Variants in RPS24 observed in about 807,000 individuals in gnomAD.
RPS24 encodes the protein small ribosomal subunit protein eS24.
For synonymous variants in RPS24, 72 were observed against 55.6 expected (o/e 1.30, Z -1.31); for missense variants, 100 against 162.5 (o/e 0.62, Z 2.09).
At position 78,033,890 on chromosome 10, in the gene RPS24, T is replaced by C. The variant is rs1427026359; in HGVS notation, c.-12T>C. On this transcript the variant is annotated 5_prime_UTR_variant, in exon 1 of 6. Transcript: ENST00000372360. ...CTTTTCCTCCTTGGCTGTCTGAAGA[T>C]AGATCGCCATCATGGTGAGTCTCCC... 4 of 1,613,976 alleles carry C rather than the reference T, an allele frequency of 2.5e-6. No homozygotes were observed. Among genetic ancestry groups the C allele is most frequent in the Non-Finnish European group, 2.5e-6 (3 of 1,179,988 alleles).
chr10:78,042,821 G>C (rs1193674451), downstream of RPS24, among the ~76,000 whole-genome samples: 1 of 152,122 alleles, frequency 6.6e-6, no homozygotes, highest in Non-Finnish European at 1.5e-5. Context: ...AGTTCTGTTT[G>C]TAGCTGGATG....
At chr10:78,051,475 CA>C (rs1374282373) in intron 4 of RPS24, among the ~76,000 whole-genome samples, 1 of 152,226 alleles carries the variant, frequency 6.6e-6, no homozygotes, top group Non-Finnish European at 1.5e-5. Flanking sequence ...TTTACCACGT[CA>C]ACATCAGTTG....
intron 4 of RPS24, among the ~76,000 whole-genome samples, chr10:78,047,384 G>T (rs895323231): frequency 6.6e-6 from 1 of 152,166 alleles, no homozygotes; most frequent in African/African-American, 2.4e-5. Context: ...GACCCGGTAG[G>T]ACAGTGCTGT....
intron 4 of RPS24, among the ~76,000 whole-genome samples, chr10:78,051,502 G>A (rs879918909): frequency 5.1e-4 from 77 of 152,300 alleles, no homozygotes; most frequent in African/African-American, 1.5e-3. Context: ...TATTTGTGTT[G>A]TTTCTGCTTT....
chr10:78,040,671 A>T lies in RPS24; in HGVS notation c.*76A>T, dbSNP rs778147905. 7 of 1,614,072 alleles carry T rather than the reference A, an allele frequency of 4.3e-6. No homozygotes were observed. The highest frequency in any genetic ancestry group is 2.5e-6 in the Non-Finnish European group (3 of 1,179,938). On this transcript the variant is annotated 3_prime_UTR_variant, in exon 6 of 6. Coordinates refer to ENST00000372360, the MANE Select transcript of RPS24 (RefSeq NM_033022.4). ...GCTGTGGCCACTGTGGATTTTTCGC[A>T]AGAACATTAATAAACTAAAAACTTC...
intron 4 of RPS24, among the ~76,000 whole-genome samples, chr10:78,045,807 C>T (rs888183095): frequency 1.3e-5 from 2 of 151,722 alleles, no homozygotes; most frequent in Non-Finnish European, 2.9e-5. Context: ...GAGTTCGAGA[C>T]CAGCCTGGCC....
downstream of RPS24, among the ~76,000 whole-genome samples, chr10:78,041,602 C>T (rs1394601041): frequency 6.6e-6 from 1 of 152,114 alleles, no homozygotes; most frequent in East Asian, 1.9e-4. Context: ...ATGCTAGGGG[C>T]AGCAAAGGTT....
chr10:78,040,305 A>G, intron 5 of RPS24, 80 bp downstream of exon 5: 1 of 1,137,284 alleles, frequency 8.8e-7, no homozygotes, highest in South Asian at 1.2e-5. Flanking sequence ...AAAGCAGATC[A>G]TGTGTAGTAC....
chr10:78,041,522 G>A (rs1410838974), downstream of RPS24, among the ~76,000 whole-genome samples: 3 of 152,212 alleles, frequency 2.0e-5, no homozygotes, highest in Non-Finnish European at 2.9e-5. Flanking sequence ...AGTACAGAAC[G>A]TGTGGAAGAA....
intron 4 of RPS24, chr10:78,037,798 T>A (rs1186653143): frequency 4.6e-6 from 2 of 437,470 alleles, no homozygotes; most frequent in Non-Finnish European, 7.6e-6. Context: ...GATAAGCAGC[T>A]TTTTACCAGC....
chr10:78,035,604 A>G lies in RPS24; in HGVS notation c.163A>G (p.Ile55Val). 2 of 1,613,226 alleles carry G rather than the reference A, an allele frequency of 1.2e-6. No individual in the cohort carries two copies. The highest frequency in any genetic ancestry group is 1.7e-6 in the Non-Finnish European group (2 of 1,180,014). ...AKMYKTTPDV[I>V]FVFGFRTHFG... Reference sequence around the variant, plus strand: ...AATGTACAAGACCACACCGGATGTCATCTTTGTATTTGGATTCAGAACTCA... The same window carrying G: ...AATGTACAAGACCACACCGGATGTCGTCTTTGTATTTGGATTCAGAACTCA... Residue 55 changes from isoleucine to valine, a missense_variant, in exon 3 of 6, where the codon ATC becomes GTC. Transcript: ENST00000372360.
downstream of RPS24, among the ~76,000 whole-genome samples, chr10:78,043,598 G>A (rs200101654): frequency 6.7e-6 from 1 of 149,134 alleles, no homozygotes; most frequent in Non-Finnish European, 1.5e-5. Context: ...ACCACCTGCT[G>A]TGTCCCTGTT....
intron 4 of RPS24, among the ~76,000 whole-genome samples, chr10:78,045,872 C>T (rs966246189): frequency 2.0e-5 from 3 of 151,868 alleles, no homozygotes; most frequent in African/African-American, 7.3e-5. Context: ...CGTGGTGGTG[C>T]GTGCCTGTAA....
At chr10:78,040,552 A>AT in intron 5 of RPS24, 63 bp from the exon 6 acceptor site, 1 of 1,228,100 alleles carries the variant, frequency 8.1e-7, no homozygotes. Context: ...TACTTTTGGA[A>AT]TTGAAGACTT....
At chr10:78,045,423 C>G (rs1848033349), downstream of RPS24, among the ~76,000 whole-genome samples, 1 of 152,152 alleles carries the variant, frequency 6.6e-6, no homozygotes, top group Middle Eastern at 3.2e-3. Context: ...ATTTCCCTCC[C>G]TGTGTCTGTC....
chr10:78,053,195 A>AG (rs1414976395), intron 4 of RPS24, among the ~76,000 whole-genome samples: 5 of 151,510 alleles, frequency 3.3e-5, no homozygotes, highest in Non-Finnish European at 7.4e-5. Flanking sequence ...ACAAAAAAAA[A>AG]AAAAGAAAAG....
At chr10:78,034,432 C>T (rs563366708) in intron 1 of RPS24, 5 of 168,306 alleles carry the variant, frequency 3.0e-5, no homozygotes, top group Non-Finnish European at 3.9e-5. Context: ...GTAGTCCTGC[C>T]CTAAGTCATG....
chr10:78,046,423 A>T (rs543034578), intron 4 of RPS24, among the ~76,000 whole-genome samples: 3 of 144,890 alleles, frequency 2.1e-5, no homozygotes, highest in East Asian at 2.1e-4. Context: ...CAGTGGCGCA[A>T]TCTCAGCTCA....
chr10:78,037,982 G>A, intron 4 of RPS24: 1 of 1,286,010 alleles, frequency 7.8e-7, no homozygotes, highest in Non-Finnish European at 1.0e-6. Context: ...GTGTCTAGCA[G>A]GTACTGAGAT....
Sources: gnomAD v4.1 joint callset for allele counts (sites outside exome capture counted in the v4.1 genomes callset) on GRCh38, gnomAD v4.1.1 for gene constraint, MANE v1.5 for transcripts, NCBI Gene and HGNC (gene_info 2026-07-23, HGNC 2026-07-21) for gene names.